The following TENM2 variants were observed in gnomAD, a reference collection of about 807,000 sequenced individuals.
The protein encoded by TENM2 is teneurin-2.
A neutral mutation model predicts 245.2 loss-of-function variants in TENM2; 52 were observed. That is an observed-to-expected ratio of 0.21 (90% CI 0.17 to 0.27). The LOEUF (loss-of-function observed/expected upper bound fraction) is 0.27, where lower values mean the gene tolerates loss of function less well. TENM2 is among the 10% of genes least tolerant of loss of function. The pLI, the probability that TENM2 is intolerant of heterozygous loss-of-function variation, is 1.00. For missense variants in TENM2, 3,046 were observed against 3,666.8 expected (o/e 0.83, Z 4.37); for synonymous variants, 1,363 against 1,438.9 (o/e 0.95, Z 1.19).
chr5:168,252,569 C>T (rs1767212008), intron 27 of TENM2, among the ~76,000 whole-genome samples: 2 of 151,738 alleles, frequency 1.3e-5, no homozygotes, highest in African/African-American at 2.4e-5. Context: ...CTTGGCCAGG[C>T]GCGGTGACTC....
intron 3 of TENM2, among the ~76,000 whole-genome samples, chr5:167,898,786 A>AAGG (rs1182819511): frequency 6.6e-6 from 1 of 152,146 alleles, no homozygotes; most frequent in African/African-American, 2.4e-5. Flanking sequence ...GGGAAATGAG[A>AAGG]AGGAGGAGTC....
At chr5:167,040,920 A>C in the TENM2 span, among the ~76,000 whole-genome samples, 2 of 152,192 alleles carry the variant, frequency 1.3e-5, no homozygotes, top group African/African-American at 2.4e-5. Context: ...TATTAAGAGA[A>C]TCGTGAGATC....
chr5:167,919,303 C>T (rs950532270), intron 3 of TENM2, among the ~76,000 whole-genome samples: 1 of 152,314 alleles, frequency 6.6e-6, no homozygotes. Flanking sequence ...TGGGGTCCCT[C>T]ACCCTCTCCC....
At chr5:167,623,804 T>A (rs1402212979) in intron 2 of TENM2, among the ~76,000 whole-genome samples, 3 of 152,206 alleles carry the variant, frequency 2.0e-5, no homozygotes, top group East Asian at 3.9e-4. Flanking sequence ...TATAGTAAAA[T>A]GAAATCTATC....
chr5:167,282,204 G>C (rs1771104339), upstream of TENM2, among the ~76,000 whole-genome samples: 1 of 152,116 alleles, frequency 6.6e-6, no homozygotes, highest in South Asian at 2.1e-4. Context: ...TAACAGTGAA[G>C]CAAGAGAGAA....
rs752153646 is a variant in TENM2 at position 168,216,859 on chromosome 5, G to A, written c.4170G>A (p.Leu1390=). 5.6e-6 allele frequency: 9 copies of A among 1,613,858 alleles called. No individual in the cohort carries two copies. In the East Asian group the frequency reaches 1.8e-4, roughly 32 times the overall value. The change falls in exon 22 of 29, where the codon CTG becomes CTA. Residue 1390 remains leucine (L), a synonymous_variant. Coordinates refer to ENST00000518659, the Ensembl canonical transcript of TENM2. ...AGAATGGAATCATCTCCACCCTGCT[G>A]GGCTCCAATGACCTCACTGCCGTCC...
the TENM2 span, among the ~76,000 whole-genome samples, chr5:167,224,285 G>GT: frequency 1.3e-5 from 2 of 151,902 alleles, no homozygotes; most frequent in South Asian, 2.1e-4. Flanking sequence ...ATCCTGAATA[G>GT]TTTTTTCTGT....
chr5:167,011,082 GT>G, the TENM2 span, among the ~76,000 whole-genome samples: 1 of 152,174 alleles, frequency 6.6e-6, no homozygotes, highest in East Asian at 1.9e-4. Flanking sequence ...TTTATCTGGA[GT>G]TTAGGACATA....
intron 2 of TENM2, among the ~76,000 whole-genome samples, chr5:167,561,421 G>C (rs1773579173): frequency 6.6e-6 from 1 of 152,168 alleles, no homozygotes; most frequent in East Asian, 1.9e-4. Flanking sequence ...GGATGTGCAG[G>C]AGGCCATAAT....
At chr5:167,450,895 A>G (rs1433001719) in intron 2 of TENM2, among the ~76,000 whole-genome samples, 1 of 152,232 alleles carries the variant, frequency 6.6e-6, no homozygotes, top group Non-Finnish European at 1.5e-5. Flanking sequence ...TTAATATCAC[A>G]TCATATTTCA....
At chr5:167,765,766 G>A (rs1272521272) in intron 2 of TENM2, among the ~76,000 whole-genome samples, 1 of 152,086 alleles carries the variant, frequency 6.6e-6, no homozygotes, top group African/African-American at 2.4e-5. Context: ...CTGTTGCCAG[G>A]GCTGATGAAT....
intron 3 of TENM2, among the ~76,000 whole-genome samples, chr5:167,933,382 C>T (rs1778437115): frequency 6.6e-6 from 1 of 152,108 alleles, no homozygotes; most frequent in African/African-American, 2.4e-5. Context: ...CAAAGATTGA[C>T]AGCGTGACCT....
chr5:167,955,966 T>C (rs1780522027), intron 4 of TENM2, among the ~76,000 whole-genome samples: 2 of 152,194 alleles, frequency 1.3e-5, no homozygotes, highest in Admixed American at 6.5e-5. Context: ...TCTTTTTTGG[T>C]TCCATATTAA....
intron 2 of TENM2, among the ~76,000 whole-genome samples, chr5:167,814,453 CAA>C (rs11324953): frequency 1.2e-4 from 10 of 83,928 alleles, no homozygotes; most frequent in Middle Eastern, 7.1e-3. Flanking sequence ...CACTCCGATT[CAA>C]AAAAAAAAAA....
chr5:167,352,231 C>G (rs1402755358), intron 1 of TENM2, among the ~76,000 whole-genome samples: 1 of 152,166 alleles, frequency 6.6e-6, no homozygotes, highest in African/African-American at 2.4e-5. Flanking sequence ...AAGGGACCTG[C>G]ACTCTTTCCT....
rs1207969688 is a variant in TENM2 at position 168,195,308 on chromosome 5, G to A, written c.2900+13G>A. 1 of 1,570,458 alleles carries A rather than the reference G, an allele frequency of 6.4e-7. No homozygotes were observed. The highest frequency in any genetic ancestry group is 1.8e-5 in the Admixed American group (1 of 54,260). On this transcript the variant is annotated intron_variant, in intron 15 of 28. Transcript: ENST00000518659. ...GCCAGGATGGCACGTGAGTAGCTTT[G>A]TGGGGCTCGGACCTACTCAGGACCA...
At chr5:167,919,875 TTG>T (rs567955021) in intron 3 of TENM2, among the ~76,000 whole-genome samples, 98 of 152,332 alleles carry the variant, frequency 6.4e-4, no homozygotes, top group African/African-American at 2.2e-3. Flanking sequence ...CCAGTTTTAT[TTG>T]TGTTTCCTAA....
intron 2 of TENM2, among the ~76,000 whole-genome samples, chr5:167,573,268 A>C (rs1440871904): frequency 6.6e-6 from 1 of 152,190 alleles, no homozygotes; most frequent in African/African-American, 2.4e-5. Flanking sequence ...ACATAAATGC[A>C]TCCTAAAAAA....
intron 4 of TENM2, among the ~76,000 whole-genome samples, chr5:167,986,129 A>G (rs954331086): frequency 6.6e-6 from 1 of 152,170 alleles, no homozygotes; most frequent in African/African-American, 2.4e-5. Context: ...TTCTAAGCCA[A>G]TTTGAAGCAG....
Sources: allele counts gnomAD v4.1 joint callset (sites outside exome capture counted in the v4.1 genomes callset), GRCh38; gene constraint gnomAD v4.1.1; transcripts MANE v1.5; gene names NCBI Gene and HGNC (gene_info 2026-07-23, HGNC 2026-07-21).